The following MAML3 variants were observed in gnomAD, a reference collection of about 807,000 sequenced individuals.
MAML3 encodes mastermind like transcriptional coactivator 3.
MAML3 carries 27 observed loss-of-function variants against 101.9 expected under a neutral mutation model. That is an observed-to-expected ratio of 0.27 (90% CI 0.20 to 0.37). The LOEUF (loss-of-function observed/expected upper bound fraction) is 0.37. Ranked by LOEUF, MAML3 falls within the 10% of genes least tolerant of loss-of-function variation. MAML3 has a pLI of 1.00. For missense variants in MAML3, 1,316 were observed against 1,444.9 expected, an observed-to-expected ratio of 0.91 and a Z score of 1.45; for synonymous variants, 501 against 555.9, an observed-to-expected ratio of 0.90 and a Z score of 1.39.
intron 1 of MAML3, among the ~76,000 whole-genome samples, chr4:140,030,357 G>C (rs1282799188): frequency 1.3e-5 from 2 of 152,132 alleles, no homozygotes; most frequent in Non-Finnish European, 2.9e-5. Flanking sequence ...CTTTGGCAGG[G>C]GGCCTGCCCT....
intron 2 of MAML3, among the ~76,000 whole-genome samples, chr4:139,786,414 A>G (rs1730304844): frequency 6.6e-6 from 1 of 152,158 alleles, no homozygotes; most frequent in African/African-American, 2.4e-5. Flanking sequence ...TTTAGCTGAT[A>G]TATGGCTTAT....
Position 140,007,475 on chromosome 4 carries a change from T to C in MAML3, c.469-116508A>G, listed in dbSNP as rs115782607. ...AAGATGAGGCGAAAGGAGACGTTTCTGTATTCCATTATATTCCAGTAAAGG... is the reference window on the plus strand; with the variant it reads ...AAGATGAGGCGAAAGGAGACGTTTCCGTATTCCATTATATTCCAGTAAAGG... On this transcript the variant is annotated intron_variant, in intron 1 of 4. Coordinates refer to ENST00000509479, the MANE Select transcript of MAML3 (RefSeq NM_018717.5). Among the ~76,000 whole-genome samples, 855 of 152,340 alleles carry C rather than the reference T, an allele frequency of 5.6e-3. 6 individuals carry two copies. The highest frequency in any genetic ancestry group is 0.019 in the African/African-American group (808 of 41,584).
intron 2 of MAML3, among the ~76,000 whole-genome samples, chr4:139,879,581 G>T (rs1251019000): frequency 6.7e-6 from 1 of 149,142 alleles, no homozygotes; most frequent in Non-Finnish European, 1.5e-5. Flanking sequence ...AAATGGTGGT[G>T]GTGGTAGTGG....
chr4:139,752,724 A>G (rs1002682587), intron 2 of MAML3, among the ~76,000 whole-genome samples: 9 of 152,246 alleles, frequency 5.9e-5, no homozygotes, highest in African/African-American at 2.2e-4. Flanking sequence ...AACATGGCCA[A>G]TCGAAGATCG....
intron 1 of MAML3, among the ~76,000 whole-genome samples, chr4:140,012,158 A>G (rs906539686): frequency 2.9e-4 from 44 of 152,356 alleles, no homozygotes; most frequent in African/African-American, 1.0e-3. Flanking sequence ...AACCCAAAAA[A>G]TTTTATTTTG....
At chr4:139,873,856 C>T (rs988611089) in intron 2 of MAML3, among the ~76,000 whole-genome samples, 1 of 152,184 alleles carries the variant, frequency 6.6e-6, no homozygotes, top group Non-Finnish European at 1.5e-5. Flanking sequence ...CTCCTGCATT[C>T]CCTTGAAAAC....
intron 1 of MAML3, among the ~76,000 whole-genome samples, chr4:140,077,567 C>T (rs1265495217): frequency 6.6e-6 from 1 of 152,186 alleles, no homozygotes; most frequent in Admixed American, 6.5e-5. Context: ...GTTCACTTAT[C>T]CTCAAAGTGG....
At chr4:139,828,060 C>G (rs1560806327) in intron 2 of MAML3, among the ~76,000 whole-genome samples, 1 of 152,228 alleles carries the variant, frequency 6.6e-6, no homozygotes, top group Non-Finnish European at 1.5e-5. Context: ...CACACTTGCA[C>G]ATAGTAGGGA....
intron 1 of MAML3, among the ~76,000 whole-genome samples, chr4:140,030,299 C>T (rs1244124371): frequency 6.6e-6 from 1 of 152,180 alleles, no homozygotes; most frequent in East Asian, 1.9e-4. Context: ...AAAATTACAA[C>T]CACCTATTGA....
At chr4:139,957,380 C>G (rs1339375397) in intron 1 of MAML3, among the ~76,000 whole-genome samples, 1 of 152,170 alleles carries the variant, frequency 6.6e-6, no homozygotes, top group African/African-American at 2.4e-5. Flanking sequence ...CTCTGCTAGA[C>G]TAAAGTGTGA....
chr4:139,931,747 C>T (rs1733399379), intron 1 of MAML3, among the ~76,000 whole-genome samples: 1 of 152,004 alleles, frequency 6.6e-6, no homozygotes, highest in Non-Finnish European at 1.5e-5. Flanking sequence ...CGGTGGCTCA[C>T]GCCTGTAATC....
intron 1 of MAML3, among the ~76,000 whole-genome samples, chr4:139,958,494 A>G (rs1733950435): frequency 6.6e-6 from 1 of 152,224 alleles, no homozygotes; most frequent in Non-Finnish European, 1.5e-5. Context: ...GTGTACAGTT[A>G]CAATTGCCAG....
intron 1 of MAML3, among the ~76,000 whole-genome samples, chr4:140,131,111 C>A (rs1728786435): frequency 6.6e-6 from 1 of 152,172 alleles, no homozygotes. Flanking sequence ...ACCCTCCAGT[C>A]ATTTCAGTGA....
At chr4:139,903,548 A>T (rs988282998) in intron 1 of MAML3, among the ~76,000 whole-genome samples, 2 of 152,228 alleles carry the variant, frequency 1.3e-5, no homozygotes, top group Non-Finnish European at 2.9e-5. Context: ...CAGAGACTGA[A>T]TTCTGTGTCC....
chr4:139,810,654 C>T (rs1730780201), intron 2 of MAML3, among the ~76,000 whole-genome samples: 1 of 152,164 alleles, frequency 6.6e-6, no homozygotes, highest in South Asian at 2.1e-4. Context: ...AGGTATATAT[C>T]TTCTAAATAT....
At chr4:139,869,649 G>A (rs756520220) in intron 2 of MAML3, among the ~76,000 whole-genome samples, 19 of 152,066 alleles carry the variant, frequency 1.2e-4, no homozygotes, top group Non-Finnish European at 2.4e-4. Context: ...CCCCACCCCC[G>A]CGGCCAAACT....
chr4:139,887,399 G>T (rs1168535792), intron 2 of MAML3, among the ~76,000 whole-genome samples: 1 of 152,222 alleles, frequency 6.6e-6, no homozygotes, highest in Non-Finnish European at 1.5e-5. Flanking sequence ...TTCGTGAGAC[G>T]AGAGAAGAGA....
At chr4:139,777,410 T>C (rs1172584663) in intron 2 of MAML3, among the ~76,000 whole-genome samples, 4 of 152,156 alleles carry the variant, frequency 2.6e-5, no homozygotes, top group Non-Finnish European at 5.9e-5. Flanking sequence ...ATTTGATCAG[T>C]CTTCAGTCTC....
intron 1 of MAML3, among the ~76,000 whole-genome samples, chr4:139,937,561 A>AT (rs1261654022): frequency 6.6e-6 from 1 of 151,766 alleles, no homozygotes; most frequent in East Asian, 1.9e-4. Context: ...TAATTTTTGT[A>AT]TTTTTTGGTA....
Sources: gnomAD v4.1 joint callset for allele counts (sites outside exome capture counted in the v4.1 genomes callset) on GRCh38, gnomAD v4.1.1 for gene constraint, MANE v1.5 for transcripts, NCBI Gene and HGNC (gene_info 2026-07-23, HGNC 2026-07-21) for gene names.